ANKFN1: variants seen among roughly 807,000 people sequenced by gnomAD.
ANKFN1 encodes ankyrin repeat and fibronectin type III domain containing 1.
In ANKFN1, 74 loss-of-function variants were observed where a neutral mutation model predicts 108.7. The ratio of observed to expected loss-of-function variants is 0.68; its 90% CI spans 0.56 to 0.83. The LOEUF (loss-of-function observed/expected upper bound fraction) is 0.83, where lower values mean the gene tolerates loss of function less well. Among genes scored for constraint, ANKFN1 ranks in the 40% least tolerant of loss-of-function variants. The probability of loss-of-function intolerance (pLI) is 0.00; values close to 1 mark genes in which losing one functional copy is unlikely to be tolerated. For synonymous variants in ANKFN1, 547 were observed against 516.2 expected (o/e 1.06, Z -0.81); for missense variants, 1,505 against 1,382.3 (o/e 1.09, Z -1.41).
chr17:56,373,346 C>T (rs1175010903), intron 7 of ANKFN1, among the ~76,000 whole-genome samples: 1 of 152,222 alleles, frequency 6.6e-6, no homozygotes, highest in Non-Finnish European at 1.5e-5. Flanking sequence ...TTTGTCTGCA[C>T]TTTCATTTTC....
At chr17:56,293,312 T>C (rs1427609475) in intron 3 of ANKFN1, among the ~76,000 whole-genome samples, 4 of 152,182 alleles carry the variant, frequency 2.6e-5, no homozygotes, top group Non-Finnish European at 5.9e-5. Context: ...CTTCTCCCCA[T>C]CTTGTTTTGA....
chr17:56,121,644 G>A (rs952449888), intron 4 of ANKFN1, among the ~76,000 whole-genome samples: 1 of 152,000 alleles, frequency 6.6e-6, no homozygotes, highest in Admixed American at 6.6e-5. Context: ...TGGGGGAGAG[G>A]TCTGAATATG....
At chr17:56,405,309 A>G (rs943111661) in intron 8 of ANKFN1, among the ~76,000 whole-genome samples, 1 of 152,258 alleles carries the variant, frequency 6.6e-6, no homozygotes, top group African/African-American at 2.4e-5. Context: ...TCATTATGCA[A>G]GAAATGCAAC....
Position 56,476,880 on chromosome 17 carries a change from T to A in ANKFN1, c.1774-608T>A, listed in dbSNP as rs2050518867. On this transcript the variant is annotated intron_variant, in intron 15 of 20. Coordinates refer to ENST00000682825, the MANE Select transcript of ANKFN1 (RefSeq NM_001370326.1). ...AGCCAAAAAATAACCAGTGCTTGATTCATTCTTTCTTCATTCTCAGAATTA... is the reference window on the plus strand; with the variant it reads ...AGCCAAAAAATAACCAGTGCTTGATACATTCTTTCTTCATTCTCAGAATTA... Among the ~76,000 whole-genome samples the A allele has an allele frequency of 2.0e-5, 3 of 152,356 alleles. No homozygotes were observed. In the South Asian group the frequency reaches 6.2e-4, roughly 32 times the overall value.
At chr17:56,189,502 G>A (rs1454791052) in intron 1 of ANKFN1, among the ~76,000 whole-genome samples, 3 of 152,162 alleles carry the variant, frequency 2.0e-5, no homozygotes, top group Non-Finnish European at 4.4e-5. Context: ...TTATAGCAAA[G>A]TATCAAATGT....
intron 1 of ANKFN1, among the ~76,000 whole-genome samples, chr17:56,167,643 T>C (rs1187143674): frequency 2.0e-5 from 3 of 152,132 alleles, no homozygotes; most frequent in Non-Finnish European, 4.4e-5. Context: ...AAAATCTCAG[T>C]GGTTTAGCAT....
chr17:56,297,592 C>T (rs928324891), intron 3 of ANKFN1, among the ~76,000 whole-genome samples: 2 of 152,206 alleles, frequency 1.3e-5, no homozygotes, highest in Admixed American at 6.5e-5. Flanking sequence ...TCACTGGTAG[C>T]AACCTCATGG....
chr17:56,385,861 A>C (rs1402358226), intron 8 of ANKFN1, among the ~76,000 whole-genome samples: 2 of 152,186 alleles, frequency 1.3e-5, no homozygotes, highest in South Asian at 2.1e-4. Flanking sequence ...GAACACTTTT[A>C]CACTGTTGGT....
At chr17:56,457,134 A>T in intron 12 of ANKFN1, 123 bp from the exon 13 acceptor site, 2 of 1,130,988 alleles carry the variant, frequency 1.8e-6, no homozygotes, top group Non-Finnish European at 2.5e-6. Flanking sequence ...TAACTAGTGA[A>T]CTTATGATAC....
At chr17:56,462,504 G>A (rs945696703) in intron 14 of ANKFN1, among the ~76,000 whole-genome samples, 1 of 152,194 alleles carries the variant, frequency 6.6e-6, no homozygotes, top group Non-Finnish European at 1.5e-5. Context: ...TAAGGCAGGA[G>A]AATCACTTGA....
intron 1 of ANKFN1, among the ~76,000 whole-genome samples, chr17:56,166,545 C>T (rs1376059215): frequency 6.6e-6 from 1 of 152,092 alleles, no homozygotes; most frequent in African/African-American, 2.4e-5. Context: ...CCATCTTAAC[C>T]ACCTACTATT....
chr17:56,148,256 G>A (rs1450492537), intron 4 of ANKFN1, among the ~76,000 whole-genome samples: 2 of 152,164 alleles, frequency 1.3e-5, no homozygotes, highest in African/African-American at 4.8e-5. Context: ...CAAAATGGAA[G>A]GTAACATTTA....
chr17:56,234,081 C>T (rs1017651436), intron 3 of ANKFN1, among the ~76,000 whole-genome samples: 1 of 152,066 alleles, frequency 6.6e-6, no homozygotes, highest in Non-Finnish European at 1.5e-5. Context: ...TAAACGTAGA[C>T]AATCAACAAA....
At chr17:56,049,198 G>C (rs1243376250) in intron 4 of ANKFN1, among the ~76,000 whole-genome samples, 1 of 152,026 alleles carries the variant, frequency 6.6e-6, no homozygotes, top group Admixed American at 6.6e-5. Flanking sequence ...GACCTCCTAG[G>C]TAACTCACTT....
At chr17:56,214,141 G>A (rs574142176) in intron 2 of ANKFN1, among the ~76,000 whole-genome samples, 48 of 152,330 alleles carry the variant, frequency 3.2e-4, no homozygotes, top group Admixed American at 9.8e-4. Context: ...TTTATTAAGA[G>A]AATACATCAG....
chr17:56,121,998 G>A (rs954088512), intron 4 of ANKFN1, among the ~76,000 whole-genome samples: 12 of 152,108 alleles, frequency 7.9e-5, no homozygotes, highest in African/African-American at 2.9e-4. Flanking sequence ...CTAGTACAGA[G>A]GTGCTTTATA....
At chr17:56,345,836 G>A (rs1267632278) in intron 4 of ANKFN1, among the ~76,000 whole-genome samples, 1 of 152,090 alleles carries the variant, frequency 6.6e-6, no homozygotes, top group African/African-American at 2.4e-5. Context: ...CAACCTCTAG[G>A]TTGCCTCTTC....
intron 3 of ANKFN1, among the ~76,000 whole-genome samples, chr17:56,321,515 G>A (rs1434956827): frequency 6.7e-6 from 1 of 149,850 alleles, no homozygotes; most frequent in Admixed American, 6.6e-5. Context: ...TTAGAAAATA[G>A]CCATCAAAAA....
chr17:56,378,356 C>T (rs2046998120), intron 8 of ANKFN1, among the ~76,000 whole-genome samples: 1 of 152,216 alleles, frequency 6.6e-6, no homozygotes, highest in East Asian at 1.9e-4. Flanking sequence ...ATGACTTGGA[C>T]TATCTTTTCT....
Sources: allele counts gnomAD v4.1 joint callset (sites outside exome capture counted in the v4.1 genomes callset), GRCh38; gene constraint gnomAD v4.1.1; transcripts MANE v1.5; gene names NCBI Gene and HGNC (gene_info 2026-07-23, HGNC 2026-07-21).